Variants in GPM6A observed in about 807,000 individuals in gnomAD.
The protein encoded by GPM6A is glycoprotein M6A.
A neutral mutation model predicts 32.1 loss-of-function variants in GPM6A; 7 were observed. That is an observed-to-expected ratio of 0.22 (90% CI 0.12 to 0.41). The LOEUF (loss-of-function observed/expected upper bound fraction) is 0.41, where lower values mean the gene tolerates loss of function less well. GPM6A is among the 10% of genes least tolerant of loss of function. The pLI is 1.00. For synonymous variants in GPM6A, 130 were observed against 123.4 expected, an observed-to-expected ratio of 1.05 and a Z score of -0.35; for missense variants, 235 against 347.2, an observed-to-expected ratio of 0.68 and a Z score of 2.57.
intron 1 of GPM6A, among the ~76,000 whole-genome samples, chr4:175,733,041 C>T (rs1458593591): frequency 1.3e-5 from 2 of 152,096 alleles, no homozygotes; most frequent in African/African-American, 4.8e-5. Flanking sequence ...AATATAATAA[C>T]GAGTGAAATG....
intron 1 of GPM6A, among the ~76,000 whole-genome samples, chr4:175,791,681 A>G (rs1289504161): frequency 1.3e-5 from 2 of 152,320 alleles, no homozygotes; most frequent in East Asian, 3.9e-4. Context: ...TGATTGTATC[A>G]GAATGAAAGC....
At chr4:175,637,751 A>ATCTATT (rs1401765870) in intron 6 of GPM6A, among the ~76,000 whole-genome samples, 14 of 86,774 alleles carry the variant, frequency 1.6e-4, no homozygotes, top group African/African-American at 6.7e-4. Context: ...TAAAAATATA[A>ATCTATT]TATATAATAT....
chr4:175,923,582 C>T (rs1738740096), intron 1 of GPM6A, among the ~76,000 whole-genome samples: 1 of 151,628 alleles, frequency 6.6e-6, no homozygotes, highest in South Asian at 2.1e-4. Context: ...AAGACAAGAT[C>T]GGGCTCTCTT....
intron 1 of GPM6A, among the ~76,000 whole-genome samples, chr4:175,767,768 A>T (rs1284718994): frequency 2.0e-5 from 3 of 152,242 alleles, no homozygotes; most frequent in African/African-American, 7.2e-5. Flanking sequence ...TTCAGCAGAC[A>T]CAGGATTGTC....
chr4:175,999,162 A>G (rs980740651), intron 1 of GPM6A, among the ~76,000 whole-genome samples: 8 of 152,218 alleles, frequency 5.3e-5, no homozygotes, highest in African/African-American at 1.9e-4. Flanking sequence ...CAATGGTCTC[A>G]TAGTGATATA....
rs545265871 is a variant in GPM6A, at chr4:175,888,853, G to A, written c.-22-76604C>T. On this transcript the variant is annotated intron_variant, in intron 1 of 7. Coordinates refer to the GPM6A transcript ENST00000280187. ...AATATAGTCAACATAAAGTAATACGGTAACATAAAGATCTACAAAAAGCTA... is the reference window on the plus strand; with the variant it reads ...AATATAGTCAACATAAAGTAATACGATAACATAAAGATCTACAAAAAGCTA... 5.3e-5 allele frequency among the ~76,000 whole-genome samples: 8 copies of A among 152,150 alleles called. No individual in the cohort carries two copies. In the South Asian group the frequency reaches 1.7e-3, roughly 32 times the overall value.
chr4:175,923,803 C>T (rs1264285861), intron 1 of GPM6A, among the ~76,000 whole-genome samples: 1 of 152,150 alleles, frequency 6.6e-6, no homozygotes, highest in East Asian at 1.9e-4. Flanking sequence ...ATCCTCCTGC[C>T]TCAGCCTCCC....
At chr4:175,746,735 A>G (rs1732118298) in intron 1 of GPM6A, among the ~76,000 whole-genome samples, 1 of 152,204 alleles carries the variant, frequency 6.6e-6, no homozygotes, top group African/African-American at 2.4e-5. Context: ...GATCAACTAG[A>G]TGATAAGGCT....
At chr4:175,780,046 C>CTT (rs112638875) in intron 1 of GPM6A, among the ~76,000 whole-genome samples, 2 of 143,978 alleles carry the variant, frequency 1.4e-5, no homozygotes, top group African/African-American at 5.1e-5. Context: ...CATGTGTTAA[C>CTT]TTTTTTTTTT....
chr4:175,812,845 C>G, upstream of GPM6A: 2 of 985,348 alleles, frequency 2.0e-6, no homozygotes, highest in South Asian at 9.4e-5. Flanking sequence ...TTCCTTTTCT[C>G]TCCTCACTAA....
At chr4:175,743,986 A>G (rs1172422946) in intron 1 of GPM6A, among the ~76,000 whole-genome samples, 2 of 151,930 alleles carry the variant, frequency 1.3e-5, no homozygotes, top group African/African-American at 2.4e-5. Context: ...AAGGTCAAGA[A>G]GGCTATAGAA....
chr4:175,993,356 A>C (rs989722026), intron 1 of GPM6A, among the ~76,000 whole-genome samples: 1 of 151,740 alleles, frequency 6.6e-6, no homozygotes, highest in African/African-American at 2.4e-5. Context: ...ACTGTAGGTC[A>C]CTCACTTCTT....
At chr4:175,902,089 C>A (rs547658953) in intron 1 of GPM6A, among the ~76,000 whole-genome samples, 4 of 151,852 alleles carry the variant, frequency 2.6e-5, no homozygotes, top group Admixed American at 1.3e-4. Flanking sequence ...AAACTAGAAA[C>A]AATCCAAAAG....
intron 1 of GPM6A, among the ~76,000 whole-genome samples, chr4:175,983,471 T>C (rs1740875761): frequency 6.6e-6 from 1 of 152,182 alleles, no homozygotes; most frequent in South Asian, 2.1e-4. Flanking sequence ...TATTCCTAGT[T>C]AAAGAAATTT....
intron 1 of GPM6A, among the ~76,000 whole-genome samples, chr4:175,964,670 A>C (rs1432756738): frequency 6.6e-6 from 1 of 152,106 alleles, no homozygotes; most frequent in Non-Finnish European, 1.5e-5. Context: ...ATTTTACCTT[A>C]ATTACATCCT....
intron 1 of GPM6A, among the ~76,000 whole-genome samples, chr4:175,973,349 T>C (rs1006138269): frequency 2.6e-5 from 4 of 152,238 alleles, no homozygotes; most frequent in African/African-American, 4.8e-5. Context: ...CACAAAGCTT[T>C]AGAACACGGT....
intron 2 of GPM6A, among the ~76,000 whole-genome samples, chr4:175,686,019 T>A (rs1265113595): frequency 6.6e-6 from 1 of 152,282 alleles, no homozygotes; most frequent in East Asian, 1.9e-4. Flanking sequence ...TATTCCAATG[T>A]TCCAAGATGC....
chr4:175,801,405 G>T (rs111315829), intron 1 of GPM6A, among the ~76,000 whole-genome samples: 1 of 152,022 alleles, frequency 6.6e-6, no homozygotes, highest in East Asian at 1.9e-4. Context: ...TAGATAAAAA[G>T]TGTTTAATAT....
rs185252120 is a variant in GPM6A at position 175,675,989 on chromosome 4, G to A, written c.231-2153C>T. Among the ~76,000 whole-genome samples, 709 of 152,128 alleles carry A rather than the reference G, an allele frequency of 4.7e-3. 9 individuals carry two copies. Among genetic ancestry groups the A allele is most frequent in the Admixed American group, 0.031 (469 of 15,294 alleles). On this transcript the variant is annotated intron_variant, in intron 2 of 6. Coordinates refer to ENST00000393658, the MANE Select transcript of GPM6A (RefSeq NM_201591.3). ...CCATGTGTCATGGGAGAGACCCACC[G>A]GGAGGTAGGTGAATCATGGGGGCGG...
Sources: gnomAD v4.1 joint callset for allele counts (sites outside exome capture counted in the v4.1 genomes callset) on GRCh38, gnomAD v4.1.1 for gene constraint, MANE v1.5 for transcripts, NCBI Gene and HGNC (gene_info 2026-07-23, HGNC 2026-07-21) for gene names.